PID1: variants seen among roughly 807,000 people sequenced by gnomAD.
The protein encoded by PID1 is phosphotyrosine interaction domain containing 1.
A neutral mutation model predicts 19.1 loss-of-function variants in PID1; 10 were observed. That is an observed-to-expected ratio of 0.52 (90% CI 0.32 to 0.89). PID1 has a LOEUF of 0.89. PID1 is among the 40% of genes least tolerant of loss of function. The pLI, the probability that PID1 is intolerant of heterozygous loss-of-function variation, is 0.03. For missense variants in PID1, 248 were observed against 285.3 expected (o/e 0.87, Z 0.94); for synonymous variants, 130 against 116.0 (o/e 1.12, Z -0.78).
At chr2:229,128,279 C>A (rs1238055489) in intron 2 of PID1, among the ~76,000 whole-genome samples, 1 of 152,182 alleles carries the variant, frequency 6.6e-6, no homozygotes, top group African/African-American at 2.4e-5. Context: ...AGTGCATTTG[C>A]TTTAAACTTC....
At chr2:229,041,961 A>T (rs1693779360) in intron 2 of PID1, among the ~76,000 whole-genome samples, 1 of 152,226 alleles carries the variant, frequency 6.6e-6, no homozygotes, top group Admixed American at 6.5e-5. Flanking sequence ...TTTTAGTTTG[A>T]TATAAAGTAC....
chr2:229,107,857 A>G (rs1169432127), intron 2 of PID1, among the ~76,000 whole-genome samples: 1 of 152,224 alleles, frequency 6.6e-6, no homozygotes, highest in Non-Finnish European at 1.5e-5. Flanking sequence ...CAGATCCAGA[A>G]TCTGCATTTT....
rs574687706 is a variant in PID1, at chr2:229,025,671, G to A, written c.615C>T (p.Ser205=). The part of the protein sequence containing the change: ...SDGRIHSNSS[S]EEVSQELESD... Reference sequence around the variant, plus strand: ...ATTCCAATTCCTGGGAAACCTCTTCGGAGGAGCTGTTGCTGTGGATCCGCC... The same window carrying A: ...ATTCCAATTCCTGGGAAACCTCTTCAGAGGAGCTGTTGCTGTGGATCCGCC... Residue 205 remains serine, a synonymous_variant, in exon 3 of 3, where the codon TCC becomes TCT. Transcript: ENST00000392055. 99 of 1,613,186 alleles carry A rather than the reference G, an allele frequency of 6.1e-5. No homozygotes were observed. Among genetic ancestry groups the A allele is most frequent in the Non-Finnish European group, 7.1e-5 (84 of 1,179,288 alleles).
chr2:229,123,371 C>T (rs1695561142), intron 2 of PID1, among the ~76,000 whole-genome samples: 1 of 152,102 alleles, frequency 6.6e-6, no homozygotes, highest in South Asian at 2.1e-4. Flanking sequence ...CTTTGTATTG[C>T]CAAATAATAG....
rs1189435968 is a variant in PID1, at chr2:229,024,490, C to G, written c.*1142G>C. ...TTCAAAATAAAAAAAAAGGGCAATT[C>G]TGACCCTAAGATATCATCAATTTTA... On this transcript the variant is annotated 3_prime_UTR_variant, in exon 3 of 3. Coordinates refer to ENST00000392055, the MANE Select transcript of PID1 (RefSeq NM_001100818.2). 6.6e-6 allele frequency: 1 copy of G among 152,584 alleles called. No individual in the cohort carries two copies. Among genetic ancestry groups the G allele is most frequent in the Non-Finnish European group, 1.5e-5 (1 of 68,040 alleles). 9.5% of individuals were successfully genotyped at this position (152,584 alleles called of 1,614,324 possible).
At chr2:229,227,829 C>A in intron 1 of PID1, 1 of 322,646 alleles carries the variant, frequency 3.1e-6, no homozygotes, top group Non-Finnish European at 6.3e-6. Context: ...TATCTCCCAA[C>A]CAACACAGGG....
At chr2:229,246,401 AT>A (rs558009162) in intron 1 of PID1, among the ~76,000 whole-genome samples, 240 of 152,260 alleles carry the variant, frequency 1.6e-3, no homozygotes, top group African/African-American at 5.6e-3. Context: ...TGCAAGGTCC[AT>A]TTTCAGGCCC....
At chr2:229,237,011 C>T (rs1689716525) in intron 1 of PID1, among the ~76,000 whole-genome samples, 1 of 151,748 alleles carries the variant, frequency 6.6e-6, no homozygotes, top group African/African-American at 2.4e-5. Context: ...CACACACACA[C>T]ACACACACAC....
At chr2:229,120,805 T>C (rs1359860727) in intron 2 of PID1, among the ~76,000 whole-genome samples, 1 of 151,940 alleles carries the variant, frequency 6.6e-6, no homozygotes, top group Non-Finnish European at 1.5e-5. Flanking sequence ...ATTGGCTTTG[T>C]TCCATTCTCG....
At chr2:229,200,593 C>T (rs1214716770) in intron 1 of PID1, among the ~76,000 whole-genome samples, 1 of 151,974 alleles carries the variant, frequency 6.6e-6, no homozygotes, top group African/African-American at 2.4e-5. Context: ...GTCTCTTCCT[C>T]CCAACCACTG....
At chr2:229,183,000 A>G (rs1391511035) in intron 1 of PID1, among the ~76,000 whole-genome samples, 1 of 152,158 alleles carries the variant, frequency 6.6e-6, no homozygotes, top group African/African-American at 2.4e-5. Context: ...ATGTTTTCCA[A>G]TGTGTTTGAT....
At chr2:229,145,385 T>C (rs1460832636) in intron 2 of PID1, among the ~76,000 whole-genome samples, 2 of 151,792 alleles carry the variant, frequency 1.3e-5, no homozygotes, top group African/African-American at 4.8e-5. Context: ...GTTTCTATGG[T>C]TGGCTAACAA....
At chr2:229,195,971 C>A (rs1691369606) in intron 1 of PID1, among the ~76,000 whole-genome samples, 1 of 151,896 alleles carries the variant, frequency 6.6e-6, no homozygotes, top group Non-Finnish European at 1.5e-5. Context: ...GAGAGAAGTA[C>A]CAACACTAAG....
chr2:229,198,091 T>C (rs1174717985), intron 1 of PID1, among the ~76,000 whole-genome samples: 2 of 152,068 alleles, frequency 1.3e-5, no homozygotes, highest in South Asian at 4.1e-4. Flanking sequence ...TGTAAAATAT[T>C]GGCACTTTGA....
rs930237332 is a variant in PID1 at position 229,024,952 on chromosome 2, G to C, written c.*680C>G. 6.5e-6 allele frequency: 1 copy of C among 152,766 alleles called. No individual in the cohort carries two copies. The highest frequency in any genetic ancestry group is 1.9e-4 in the East Asian group (1 of 5,194). 9.5% of individuals were successfully genotyped at this position (152,766 alleles called of 1,614,324 possible). ...TGGACAGGGCAGCAGGAGGGAAAGG[G>C]AAGGGGTCATTAGTAATTGCAAGTA... On this transcript the variant is annotated 3_prime_UTR_variant, in exon 3 of 3. Transcript: ENST00000392055.
At chr2:229,064,155 G>T (rs192482240) in intron 2 of PID1, among the ~76,000 whole-genome samples, 2 of 152,264 alleles carry the variant, frequency 1.3e-5, no homozygotes, top group East Asian at 3.9e-4. Context: ...TTTTCAGGAA[G>T]ATCCTTCTGA....
At chr2:229,133,189 G>A (rs1323465538) in intron 2 of PID1, among the ~76,000 whole-genome samples, 1 of 152,192 alleles carries the variant, frequency 6.6e-6, no homozygotes, top group East Asian at 1.9e-4. Flanking sequence ...GTTCACAGCT[G>A]TTTCTAATTA....
chr2:229,152,885 G>T (rs567561296), intron 2 of PID1, among the ~76,000 whole-genome samples: 1 of 152,064 alleles, frequency 6.6e-6, no homozygotes. Context: ...CAAACCCAAA[G>T]TTATAAGAGC....
intron 2 of PID1, among the ~76,000 whole-genome samples, chr2:229,027,979 C>A (rs138134392): frequency 6.6e-5 from 10 of 152,174 alleles, no homozygotes; most frequent in African/African-American, 1.9e-4. Flanking sequence ...TTTCCTGATG[C>A]CAGGAAGAAA....
Sources: gnomAD v4.1 joint callset for allele counts (sites outside exome capture counted in the v4.1 genomes callset) on GRCh38, gnomAD v4.1.1 for gene constraint, MANE v1.5 for transcripts, NCBI Gene and HGNC (gene_info 2026-07-23, HGNC 2026-07-21) for gene names.